The following C3orf33 variants were observed in gnomAD, a reference collection of about 807,000 sequenced individuals.
C3orf33 encodes the protein mitochondrial inner membrane subdomain organizer 1, also known as AP-1 activity suppressor.
Under a neutral mutation model 28.7 loss-of-function variants are expected in C3orf33, and 23 were observed. The observed-to-expected ratio is 0.80, with a 90% CI of 0.58 to 1.13. The LOEUF is 1.13. C3orf33 is among the 50% of genes most tolerant of loss of function. C3orf33 has a pLI of 0.00. For synonymous variants in C3orf33, 119 were observed against 120.5 expected, an observed-to-expected ratio of 0.99 and a Z score of 0.08; for missense variants, 327 against 353.4, an observed-to-expected ratio of 0.93 and a Z score of 0.60.
At position 155,767,539 on chromosome 3, in the gene C3orf33, T is replaced by G. The variant is rs776856082; in HGVS notation, c.453A>C (p.Ser151=). ...TCACCAGAAGATAGCAAAAGAGTGC[T>G]GAATTCTCCTTTCCAAGAAGTTGGA... The part of the protein sequence containing the change: ...LWFQLLGKEN[S]ALFCYLLVSK... The change falls in exon 4 of 5, where the codon TCA becomes TCC. Residue 151 remains serine, a synonymous_variant. Coordinates refer to ENST00000340171, the MANE Select transcript of C3orf33 (RefSeq NM_001308229.2). 14 of 1,585,178 alleles carry G rather than the reference T, an allele frequency of 8.8e-6. No individual in the cohort carries two copies. Among genetic ancestry groups the G allele is most frequent in the Non-Finnish European group, 1.2e-5 (14 of 1,162,614 alleles).
intron 2 of C3orf33, among the ~76,000 whole-genome samples, chr3:155,787,538 G>C (rs148512052): frequency 6.6e-6 from 1 of 151,650 alleles, no homozygotes; most frequent in Non-Finnish European, 1.5e-5. Flanking sequence ...TTTTAGTAGA[G>C]ACGGGGTTTC....
intron 3 of C3orf33, among the ~76,000 whole-genome samples, chr3:155,772,373 T>C (rs1750618093): frequency 6.6e-6 from 1 of 152,154 alleles, no homozygotes; most frequent in Admixed American, 6.5e-5. Context: ...TACTGTTATA[T>C]TTGTGCCTCA....
intron 2 of C3orf33, among the ~76,000 whole-genome samples, chr3:155,793,890 TAG>T (rs1441979981): frequency 7.0e-6 from 1 of 142,464 alleles, no homozygotes; most frequent in Non-Finnish European, 1.5e-5. Context: ...AAGATATAAA[TAG>T]AGACATAAAG....
intron 2 of C3orf33, among the ~76,000 whole-genome samples, chr3:155,779,491 C>T (rs1402361570): frequency 1.3e-5 from 2 of 152,122 alleles, no homozygotes; most frequent in Non-Finnish European, 2.9e-5. Context: ...GACAAGGTTT[C>T]GCCATGTTGG....
intron 2 of C3orf33, among the ~76,000 whole-genome samples, chr3:155,799,971 T>C (rs1049250088): frequency 1.3e-5 from 2 of 152,110 alleles, no homozygotes; most frequent in Non-Finnish European, 2.9e-5. Context: ...TATGAAAATA[T>C]AATTAAATAG....
intron 4 of C3orf33, among the ~76,000 whole-genome samples, chr3:155,765,782 A>G (rs934128140): frequency 6.6e-6 from 1 of 152,154 alleles, no homozygotes; most frequent in African/African-American, 2.4e-5. Context: ...TCCTCACCTC[A>G]AGTGAACTGC....
chr3:155,770,838 C>A (rs1750558659), intron 3 of C3orf33, among the ~76,000 whole-genome samples: 1 of 151,948 alleles, frequency 6.6e-6, no homozygotes, highest in Non-Finnish European at 1.5e-5. Context: ...CCACACCCAG[C>A]TAATTTTGTA....
At position 155,806,196 on chromosome 3, in the gene C3orf33, C is replaced by G. The variant is rs1410483858; in HGVS notation, c.57G>C (p.Glu19Asp). 7.3e-6 allele frequency: 11 copies of G among 1,503,490 alleles called. No homozygotes were observed. Among genetic ancestry groups the G allele is most frequent in the Non-Finnish European group, 9.8e-6 (11 of 1,127,914 alleles). The allele number at this position is 1,503,490 out of a possible 1,614,324, so 93.1% of individuals were successfully genotyped here. ...GSPSADKDGM[E>D]PNVVARISQW... Reference sequence around the variant, plus strand: ...GCGAGATCCGAGCCACGACGTTGGGCTCCATTCCGTCCTTGTCGGCAGACG... The same window carrying G: ...GCGAGATCCGAGCCACGACGTTGGGGTCCATTCCGTCCTTGTCGGCAGACG... Residue 19 changes from glutamate (E) to aspartate (D), a missense_variant, in exon 1 of 5, where the codon GAG (glutamate) becomes GAC (aspartate). Transcript: ENST00000340171.
chr3:155,797,831 G>C (rs1226664019), intron 2 of C3orf33, among the ~76,000 whole-genome samples: 1 of 152,198 alleles, frequency 6.6e-6, no homozygotes, highest in Non-Finnish European at 1.5e-5. Context: ...AGCACTTTGG[G>C]AGGCCGAGGT....
At chr3:155,793,936 T>A (rs1559998624) in intron 2 of C3orf33, among the ~76,000 whole-genome samples, 1 of 151,868 alleles carries the variant, frequency 6.6e-6, no homozygotes, top group South Asian at 2.1e-4. Flanking sequence ...AGAGTTTTTT[T>A]ATTAATTTTG....
rs148932109 is a variant in C3orf33 at position 155,797,771 on chromosome 3, C to T, written c.174+4761G>A. ...CCAAAGAAGTGAAAGATTTCTACATCGAAAACTATAATACACTGGCTGGGC... is the reference window on the plus strand; with the variant it reads ...CCAAAGAAGTGAAAGATTTCTACATTGAAAACTATAATACACTGGCTGGGC... On this transcript the variant is annotated intron_variant, in intron 2 of 4. Coordinates refer to ENST00000340171, the MANE Select transcript of C3orf33 (RefSeq NM_001308229.2). Among the ~76,000 whole-genome samples the T allele has an allele frequency of 2.6e-5, 4 of 152,230 alleles. No individual in the cohort carries two copies. In the South Asian group the frequency reaches 6.2e-4, roughly 24 times the overall value.
At chr3:155,792,441 C>G (rs546385715) in intron 2 of C3orf33, among the ~76,000 whole-genome samples, 5 of 152,144 alleles carry the variant, frequency 3.3e-5, no homozygotes, top group Non-Finnish European at 5.9e-5. Context: ...TATCCACAAG[C>G]ATCAAGAATA....
intron 2 of C3orf33, among the ~76,000 whole-genome samples, chr3:155,783,336 G>C (rs1030876282): frequency 3.3e-5 from 5 of 152,014 alleles, no homozygotes; most frequent in Non-Finnish European, 7.4e-5. Context: ...TGTATTTTTA[G>C]TAGAGACACG....
intron 2 of C3orf33, among the ~76,000 whole-genome samples, chr3:155,790,495 CT>C (rs1478023908): frequency 6.6e-6 from 1 of 152,122 alleles, no homozygotes; most frequent in Non-Finnish European, 1.5e-5. Flanking sequence ...AATTGAACAA[CT>C]ATCCACACAA....
At position 155,805,645 on chromosome 3, in the gene C3orf33, C is replaced by G. The variant is rs1378480543; in HGVS notation, c.114+494G>C. ...GCTGAAGTGGGAGGATCTTTTCGGC[C>G]GAAGTGGGTGGAGCAGCAGCAGTGA... On this transcript the variant is annotated intron_variant, in intron 1 of 4. Coordinates refer to ENST00000340171, the MANE Select transcript of C3orf33 (RefSeq NM_001308229.2). 1.1e-5 allele frequency: 5 copies of G among 454,374 alleles called. No homozygotes were observed. In the East Asian group the frequency reaches 3.5e-4, roughly 32 times the overall value. The allele number at this position is 454,374 out of a possible 1,614,324, so 28.1% of individuals were successfully genotyped here. A position where few individuals can be genotyped will look rare whatever the true frequency, so the allele number is the denominator to read the frequency against.
At position 155,763,342 on chromosome 3, in the gene C3orf33, T is replaced by C. The variant is rs755516694; in HGVS notation, c.*175A>G. On this transcript the variant is annotated 3_prime_UTR_variant, in exon 5 of 5. Coordinates refer to ENST00000340171, the MANE Select transcript of C3orf33 (RefSeq NM_001308229.2). The stretch of plus-strand genomic sequence containing the variant: ...ATCATATTACATTAATTATAATTTG[T>C]TTAAATTAATTCTGACATTATGCTT... 2.3e-6 allele frequency: 1 copy of C among 439,210 alleles called. No individual in the cohort carries two copies. Among genetic ancestry groups the C allele is most frequent in the Non-Finnish European group, 3.9e-6 (1 of 259,536 alleles). The allele number at this position is 439,210 out of a possible 1,614,324, so 27.2% of individuals were successfully genotyped here.
In C3orf33 at chr3:155,763,266, G is replaced by A. The variant is rs879831607; in HGVS notation, c.*251C>T. Reference sequence around the variant, plus strand: ...CTCTTCACACATTAGCACTATATATGTAAATCATTCAGCCTGGTAACTTCT... The same window carrying A: ...CTCTTCACACATTAGCACTATATATATAAATCATTCAGCCTGGTAACTTCT... On this transcript the variant is annotated 3_prime_UTR_variant, in exon 5 of 5. Coordinates refer to ENST00000340171, the MANE Select transcript of C3orf33 (RefSeq NM_001308229.2). 19 of 296,166 alleles carry A rather than the reference G, an allele frequency of 6.4e-5. No homozygotes were observed. Among genetic ancestry groups the A allele is most frequent in the Non-Finnish European group, 1.2e-4 (19 of 164,496 alleles). 18.3% of individuals were successfully genotyped at this position (296,166 alleles called of 1,614,324 possible).
intron 2 of C3orf33, among the ~76,000 whole-genome samples, chr3:155,794,963 T>C (rs1751434530): frequency 6.6e-6 from 1 of 152,166 alleles, no homozygotes; most frequent in Non-Finnish European, 1.5e-5. Context: ...TAATAATAGC[T>C]GGAGACGTGA....
intron 2 of C3orf33, among the ~76,000 whole-genome samples, chr3:155,778,444 C>T (rs1419730869): frequency 6.6e-6 from 1 of 152,118 alleles, no homozygotes; most frequent in African/African-American, 2.4e-5. Context: ...CTGCAACTTG[C>T]TTTGAATTGG....
Sources: gnomAD v4.1 joint callset for allele counts (sites outside exome capture counted in the v4.1 genomes callset) on GRCh38, gnomAD v4.1.1 for gene constraint, MANE v1.5 for transcripts, NCBI Gene and HGNC (gene_info 2026-07-23, HGNC 2026-07-21) for gene names.